The following TBC1D32 variants were observed in gnomAD, a reference collection of about 807,000 sequenced individuals.
TBC1D32 encodes the protein protein broad-minded.
TBC1D32 carries 151 observed loss-of-function variants against 170.3 expected under a neutral mutation model. That is an observed-to-expected ratio of 0.89 (90% CI 0.78 to 1.01). The LOEUF (loss-of-function observed/expected upper bound fraction) is 1.01, where lower values mean the gene tolerates loss of function less well. TBC1D32 is among the 50% of genes least tolerant of loss of function. TBC1D32 has a pLI of 0.00. For missense variants in TBC1D32, 1,464 were observed against 1,457.1 expected, an observed-to-expected ratio of 1.00 and a Z score of -0.08; for synonymous variants, 498 against 488.0, an observed-to-expected ratio of 1.02 and a Z score of -0.27.
At chr6:121,326,272 G>A (rs1810448475) in intron 1 of TBC1D32, among the ~76,000 whole-genome samples, 1 of 152,128 alleles carries the variant, frequency 6.6e-6, no homozygotes. Context: ...AGCTAGACAG[G>A]AGGAGTAAGT....
intron 16 of TBC1D32, 117 bp from the exon 17 acceptor site, chr6:121,255,527 T>TATATTTATAATTATATTTTATAATTA (rs1583421602): frequency 4.1e-6 from 1 of 246,744 alleles, no homozygotes; most frequent in African/African-American, 2.4e-5. Context: ...TATTTTATAT[T>TATATTTATAATTATATTTTATAATTA]TCTTACTGAT....
intron 12 of TBC1D32, among the ~76,000 whole-genome samples, chr6:121,285,179 C>T (rs554893681): frequency 6.6e-6 from 1 of 152,096 alleles, no homozygotes; most frequent in East Asian, 1.9e-4. Context: ...AAAACCATGC[C>T]CAGATTCAAT....
chr6:121,115,594 T>C (rs1224315518), intron 26 of TBC1D32: 1 of 164,290 alleles, frequency 6.1e-6, no homozygotes, highest in East Asian at 1.7e-4. Context: ...AAACTCTGAA[T>C]TACAAATATA....
chr6:121,312,575 T>C (rs567596227), intron 3 of TBC1D32, among the ~76,000 whole-genome samples: 2 of 152,262 alleles, frequency 1.3e-5, no homozygotes, highest in African/African-American at 4.8e-5. Flanking sequence ...GGCACATTCC[T>C]TGCCAGTCAC....
At chr6:121,241,859 T>G (rs924023152) in intron 18 of TBC1D32, among the ~76,000 whole-genome samples, 1 of 152,182 alleles carries the variant, frequency 6.6e-6, no homozygotes, top group Non-Finnish European at 1.5e-5. Flanking sequence ...GGCCTAAATC[T>G]TCACTGACAT....
rs575155349 is a variant in TBC1D32, at chr6:121,172,135, G to C, written c.2571-11079C>G. On this transcript the variant is annotated intron_variant, in intron 22 of 31. Coordinates refer to ENST00000398212, the MANE Select transcript of TBC1D32 (RefSeq NM_152730.6). ...TTCTCTCTTGAATGCCACCACGTAA[G>C]ATGTGCCTTTCACCTTCCACCATGA... Among the ~76,000 whole-genome samples the C allele has an allele frequency of 1.6e-4, 25 of 152,206 alleles. 1 individual carries two copies. In the East Asian group the frequency reaches 3.5e-3, roughly 21 times the overall value.
Position 121,241,536 on chromosome 6 carries a change from T to A in TBC1D32, c.2174A>T (p.Lys725Ile). ...TGTAACCAAAACTCCATAGCCAAATTTTTTATGCCTGCTGACCTAACAGCA... is the reference window on the plus strand; with the variant it reads ...TGTAACCAAAACTCCATAGCCAAATATTTTATGCCTGCTGACCTAACAGCA... ...AKKLQVSRHK[K>I]FGYGVLVTRV... Residue 725 changes from lysine to isoleucine, a missense_variant, in exon 19 of 32, where the codon AAA (lysine) becomes ATA (isoleucine). Lys to Ile is a moderately radical substitution (Grantham distance 102). Coordinates refer to ENST00000398212, the MANE Select transcript of TBC1D32 (RefSeq NM_152730.6). 6.2e-7 allele frequency: 1 copy of A among 1,613,506 alleles called. No individual in the cohort carries two copies. Among genetic ancestry groups the A allele is most frequent in the Non-Finnish European group, 8.5e-7 (1 of 1,179,694 alleles).
chr6:121,188,431 CATT>C (rs769011839), intron 22 of TBC1D32, among the ~76,000 whole-genome samples: 2 of 151,920 alleles, frequency 1.3e-5, no homozygotes, highest in African/African-American at 2.4e-5. Flanking sequence ...TTTATACAGA[CATT>C]ATAATGGAAG....
At chr6:121,106,575 T>C (rs183824638) in intron 29 of TBC1D32, among the ~76,000 whole-genome samples, 5 of 152,192 alleles carry the variant, frequency 3.3e-5, no homozygotes, top group Admixed American at 6.6e-5. Context: ...CCAATGATTC[T>C]ATAATGTCAA....
chr6:121,268,404 G>T (rs1800853763), intron 15 of TBC1D32, among the ~76,000 whole-genome samples: 1 of 152,140 alleles, frequency 6.6e-6, no homozygotes, highest in African/African-American at 2.4e-5. Context: ...AAACAGCACA[G>T]AGAAGATCTT....
At chr6:121,299,741 A>G (rs978281732) in intron 9 of TBC1D32, among the ~76,000 whole-genome samples, 6 of 152,198 alleles carry the variant, frequency 3.9e-5, no homozygotes, top group Non-Finnish European at 2.9e-5. Context: ...GTAGAAGAAC[A>G]TTCTATCCAT....
chr6:121,178,044 A>G (rs916698937), intron 22 of TBC1D32, among the ~76,000 whole-genome samples: 3 of 152,184 alleles, frequency 2.0e-5, no homozygotes, highest in Middle Eastern at 3.2e-3. Flanking sequence ...AGTGGAAGGC[A>G]CATCTTACAT....
chr6:121,120,119 T>G lies in TBC1D32; in HGVS notation c.2984-4878A>C, dbSNP rs575468096. 1.4e-4 allele frequency among the ~76,000 whole-genome samples: 21 copies of G among 152,218 alleles called. No individual in the cohort carries two copies. The East Asian group carries it at 3.5e-3, about 25-fold the overall frequency. Reference sequence around the variant, plus strand: ...AACAATGTACTAGCAACAAGCTCAGTATATCAAAATAATAAATATTAAACA... The same window carrying G: ...AACAATGTACTAGCAACAAGCTCAGGATATCAAAATAATAAATATTAAACA... On this transcript the variant is annotated intron_variant, in intron 26 of 31. Coordinates refer to ENST00000398212, the MANE Select transcript of TBC1D32 (RefSeq NM_152730.6).
At chr6:121,236,878 C>T (rs537514562) in intron 20 of TBC1D32, 1 of 151,888 alleles carries the variant, frequency 6.6e-6, no homozygotes, top group Non-Finnish European at 1.5e-5. Flanking sequence ...CAAAATAAAC[C>T]CCACTATGTA....
At chr6:121,182,025 T>C (rs1562800713) in intron 22 of TBC1D32, among the ~76,000 whole-genome samples, 1 of 152,068 alleles carries the variant, frequency 6.6e-6, no homozygotes, top group Non-Finnish European at 1.5e-5. Flanking sequence ...ATCCCCAAAA[T>C]GTGTACCACT....
At chr6:121,092,233 ATTACT>A (rs149480380) in intron 30 of TBC1D32, among the ~76,000 whole-genome samples, 4,799 of 148,444 alleles carry the variant, frequency 0.032, 258 homozygotes, top group African/African-American at 0.11. Context: ...TGATTTACAA[ATTACT>A]TTACCTTCGA....
chr6:121,304,771 T>G lies in TBC1D32; in HGVS notation c.753A>C (p.Glu251Asp), dbSNP rs751888161. The change falls in exon 6 of 32, where the codon GAA becomes GAC. Residue 251 changes from glutamate (E) to aspartate (D), a missense_variant. Transcript: ENST00000398212. The part of the protein sequence containing the change: ...FLLSPLHMTK[E>D]IYTSLAKYLE... ...CAAACATACCTAAGCTTGTATAAATTTCCTTGGTCATATGTAATGGAGAAA... is the reference window on the plus strand; with the variant it reads ...CAAACATACCTAAGCTTGTATAAATGTCCTTGGTCATATGTAATGGAGAAA... The G allele has an allele frequency of 7.5e-6, 12 of 1,606,232 alleles. No individual in the cohort carries two copies. The highest frequency in any genetic ancestry group is 8.5e-6 in the Non-Finnish European group (10 of 1,176,566).
intron 22 of TBC1D32, among the ~76,000 whole-genome samples, chr6:121,171,168 G>T (rs1039703780): frequency 1.3e-5 from 2 of 151,762 alleles, no homozygotes; most frequent in Non-Finnish European, 2.9e-5. Context: ...GGAAACACAG[G>T]CATTAGAGAA....
At chr6:121,268,865 A>G (rs1045147150) in intron 15 of TBC1D32, among the ~76,000 whole-genome samples, 12 of 152,194 alleles carry the variant, frequency 7.9e-5, no homozygotes, top group Non-Finnish European at 1.2e-4. Flanking sequence ...CCAGAGATAA[A>G]GGTCGGGTTA....
Sources: gnomAD v4.1 joint callset for allele counts (sites outside exome capture counted in the v4.1 genomes callset) on GRCh38, gnomAD v4.1.1 for gene constraint, MANE v1.5 for transcripts, NCBI Gene and HGNC (gene_info 2026-07-23, HGNC 2026-07-21) for gene names.